The following KLF15 variants were observed in gnomAD, a reference collection of about 807,000 sequenced individuals.
The protein encoded by KLF15 is Krueppel-like factor 15.
In KLF15, 4 loss-of-function variants were observed where a neutral mutation model predicts 24.6. The observed-to-expected ratio is 0.16, with a 90% CI of 0.08 to 0.37. The LOEUF is 0.37. Among genes scored for constraint, KLF15 ranks in the 10% least tolerant of loss-of-function variants. KLF15 has a pLI of 1.00. For missense variants in KLF15, 496 were observed against 560.6 expected (o/e 0.88, Z 1.16); for synonymous variants, 246 against 236.3 (o/e 1.04, Z -0.37).
At chr3:126,304,520 A>C in the KLF15 span, among the ~76,000 whole-genome samples, 2 of 152,160 alleles carry the variant, frequency 1.3e-5, no homozygotes, top group Non-Finnish European at 2.9e-5. Context: ...TACTTGAGGG[A>C]AACTCTCTGA....
the KLF15 span, among the ~76,000 whole-genome samples, chr3:126,323,742 G>T: frequency 7.9e-6 from 1 of 127,284 alleles, no homozygotes; most frequent in East Asian, 2.4e-4. Flanking sequence ...TTATGAGTGA[G>T]AACATCATAT....
At chr3:126,314,164 C>T in the KLF15 span, among the ~76,000 whole-genome samples, 1 of 152,176 alleles carries the variant, frequency 6.6e-6, no homozygotes, top group South Asian at 2.1e-4. Flanking sequence ...GACTCATCCT[C>T]ACAAGGCCTG....
the KLF15 span, among the ~76,000 whole-genome samples, chr3:126,331,350 A>G: frequency 6.6e-6 from 1 of 152,232 alleles, no homozygotes; most frequent in Non-Finnish European, 1.5e-5. Context: ...TTGTAAAACC[A>G]CTACAATTTC....
At chr3:126,330,576 A>C in the KLF15 span, among the ~76,000 whole-genome samples, 1 of 151,848 alleles carries the variant, frequency 6.6e-6, no homozygotes, top group Non-Finnish European at 1.5e-5. Context: ...AGGACTTTGC[A>C]AATAATAAGT....
chr3:126,302,909 T>C, the KLF15 span, among the ~76,000 whole-genome samples: 1 of 152,142 alleles, frequency 6.6e-6, no homozygotes, highest in Non-Finnish European at 1.5e-5. Context: ...TATTTATTGA[T>C]ATAGCTAGGT....
At chr3:126,315,704 A>G in the KLF15 span, among the ~76,000 whole-genome samples, 2 of 152,190 alleles carry the variant, frequency 1.3e-5, no homozygotes, top group Non-Finnish European at 1.5e-5. Context: ...TTTGAGTGAG[A>G]GGCTGGGCCA....
At chr3:126,295,044 A>G in the KLF15 span, among the ~76,000 whole-genome samples, 4 of 152,240 alleles carry the variant, frequency 2.6e-5, no homozygotes, top group Admixed American at 2.6e-4. Context: ...ATATACATGC[A>G]CATGCATGCA....
chr3:126,333,453 G>A, the KLF15 span, among the ~76,000 whole-genome samples: 1 of 148,632 alleles, frequency 6.7e-6, no homozygotes, highest in South Asian at 2.2e-4. Flanking sequence ...ACCAGTACCA[G>A]CCGCTGCAAA....
At chr3:126,308,269 C>CA in the KLF15 span, among the ~76,000 whole-genome samples, 1 of 152,196 alleles carries the variant, frequency 6.6e-6, no homozygotes, top group African/African-American at 2.4e-5. Flanking sequence ...AGGCCTTGAC[C>CA]ACCCCCAAGG....
Position 126,351,964 on chromosome 3 carries a change from A to G in KLF15, c.959T>C (p.Met320Thr). The part of the protein sequence containing the change: ...PKNPAAELIK[M>T]HKCTFPGCSK... The stretch of plus-strand genomic sequence containing the variant: ...GCAGCCAGGGAAAGTACATTTGTGC[A>G]TTTTGATGAGTTCTGCGGCTGGGTT... The change falls in exon 2 of 3, where the codon ATG becomes ACG. Residue 320 changes from methionine (M) to threonine (T), a missense_variant. This residue lies in a region of KLF15 where 399 missense variants were observed against 423.1 expected (regional missense o/e 0.94). Coordinates refer to ENST00000296233, the MANE Select transcript of KLF15 (RefSeq NM_014079.4). 1.9e-6 allele frequency: 3 copies of G among 1,609,686 alleles called. No homozygotes were observed. Among genetic ancestry groups the G allele is most frequent in the South Asian group, 1.1e-5 (1 of 90,258 alleles).
chr3:126,351,759 GA>G, intron 2 of KLF15, 81 bp downstream of exon 2: 2 of 1,437,868 alleles, frequency 1.4e-6, no homozygotes. Context: ...GTTAATGGTG[GA>G]AAATGGCCCT....
At chr3:126,355,940 A>C (rs1005394319) in intron 1 of KLF15, among the ~76,000 whole-genome samples, 5 of 152,192 alleles carry the variant, frequency 3.3e-5, no homozygotes, top group Non-Finnish European at 5.9e-5. Flanking sequence ...ACACAGCAGC[A>C]CGTGGGGCGG....
intron 2 of KLF15, among the ~76,000 whole-genome samples, chr3:126,345,601 G>GCACACA (rs574272481): frequency 6.7e-6 from 1 of 149,308 alleles, no homozygotes; most frequent in African/African-American, 2.5e-5. Flanking sequence ...ATGTACTCAC[G>GCACACA]CACACACACA....
chr3:126,347,010 A>G (rs1560037948), intron 2 of KLF15, among the ~76,000 whole-genome samples: 1 of 152,204 alleles, frequency 6.6e-6, no homozygotes, highest in Non-Finnish European at 1.5e-5. Context: ...TTATTCAAGA[A>G]TGATGAGCTC....
intron 2 of KLF15, among the ~76,000 whole-genome samples, chr3:126,348,325 A>C (rs2082553523): frequency 6.6e-6 from 1 of 152,226 alleles, no homozygotes; most frequent in Non-Finnish European, 1.5e-5. Flanking sequence ...CCAAGTATGC[A>C]TTAGAGGCCC....
the KLF15 span, among the ~76,000 whole-genome samples, chr3:126,300,115 G>A: frequency 1.3e-5 from 2 of 152,198 alleles, no homozygotes; most frequent in South Asian, 2.1e-4. Context: ...TATCAGCAAC[G>A]GGGGCTCTGG....
In KLF15 at chr3:126,351,990, C is replaced by T; in HGVS notation, c.933G>A (p.Lys311=). Residue 311 remains lysine (K), a synonymous_variant, in exon 2 of 3, where the codon AAG becomes AAA. Coordinates refer to ENST00000296233, the MANE Select transcript of KLF15 (RefSeq NM_014079.4). ...TTTTGATGAGTTCTGCGGCTGGGTT[C>T]TTGGGGAACTTCTGGCCCATGAGGA... is the stretch of plus-strand genomic sequence containing the variant. ...AGLLMGQKFP[K]NPAAELIKMH... 1 of 1,582,086 alleles carries T rather than the reference C, an allele frequency of 6.3e-7. No homozygotes were observed. Among genetic ancestry groups the T allele is most frequent in the Non-Finnish European group, 8.6e-7 (1 of 1,164,164 alleles).
intron 2 of KLF15, among the ~76,000 whole-genome samples, chr3:126,346,362 A>G (rs954044222): frequency 5.9e-5 from 9 of 152,172 alleles, no homozygotes; most frequent in African/African-American, 1.9e-4. Flanking sequence ...TGGCAAGACC[A>G]TGGCAAGGGT....
the KLF15 span, chr3:126,291,201 A>G: frequency 1.3e-5 from 2 of 152,296 alleles, no homozygotes; most frequent in Non-Finnish European, 2.9e-5. Context: ...ACTTACAAGG[A>G]AATGAAAGAG....
Sources: gnomAD v4.1 joint callset for allele counts (sites outside exome capture counted in the v4.1 genomes callset) on GRCh38, gnomAD v4.1.1 for gene constraint, gnomAD v4.1.1 regional missense constraint, MANE v1.5 for transcripts, NCBI Gene and HGNC (gene_info 2026-07-23, HGNC 2026-07-21) for gene names.